Variants in HPS1 observed in about 807,000 individuals in gnomAD.
The protein encoded by HPS1 is HPS1 biogenesis of lysosomal organelles complex 3 subunit 1.
A neutral mutation model predicts 90.6 loss-of-function variants in HPS1; 59 were observed. That is an observed-to-expected ratio of 0.65 (90% CI 0.53 to 0.81). HPS1 has a LOEUF of 0.81. Ranked by LOEUF, HPS1 falls within the 30% of genes least tolerant of loss-of-function variation. The pLI is 0.00. For synonymous variants in HPS1, 388 were observed against 384.4 expected (o/e 1.01, Z -0.11); for missense variants, 849 against 896.7 (o/e 0.95, Z 0.68).
At chr10:98,415,119 C>A, downstream of HPS1, 1 of 1,613,288 alleles carries the variant, frequency 6.2e-7, no homozygotes, top group Non-Finnish European at 8.5e-7. Flanking sequence ...GCAGAGACCT[C>A]GGCCACTTGC....
chr10:98,435,210 C>G lies in HPS1; in HGVS notation c.398+62G>C. The G allele has an allele frequency of 6.2e-6, 10 of 1,605,822 alleles. No homozygotes were observed. Among genetic ancestry groups the G allele is most frequent in the Non-Finnish European group, 8.5e-6 (10 of 1,173,896 alleles). On this transcript the variant is annotated intron_variant, in intron 5 of 19. Coordinates refer to ENST00000361490, the MANE Select transcript of HPS1 (RefSeq NM_000195.5). This position sits in a 1 kb window ranked among gnomAD's most constrained non-coding sequence, Gnocchi z 4.3. ...GGCAGCTTCACAGGGGCTGGGCACA[C>G]GCTGCCTGGCCCAGCGAGGGTGCTC...
At chr10:98,422,610 G>T in intron 16 of HPS1, 97 bp from the exon 17 acceptor site, 1 of 1,210,562 alleles carries the variant, frequency 8.3e-7, no homozygotes, top group Non-Finnish European at 1.2e-6. Flanking sequence ...TGGCAGGAGG[G>T]CCAGGACTGC....
chr10:98,419,432 C>A (rs1002105239), intron 18 of HPS1, among the ~76,000 whole-genome samples: 3 of 152,032 alleles, frequency 2.0e-5, no homozygotes, highest in African/African-American at 7.2e-5. Context: ...GGAGTCCCAG[C>A]CACTGCACCC....
At chr10:98,441,265 T>C (rs968514430) in intron 3 of HPS1, among the ~76,000 whole-genome samples, 2 of 152,232 alleles carry the variant, frequency 1.3e-5, no homozygotes, top group African/African-American at 4.8e-5. Flanking sequence ...GTGGAAATTA[T>C]GTAAGTGAAA....
chr10:98,439,443 T>C (rs777050209), intron 3 of HPS1, among the ~76,000 whole-genome samples: 1 of 152,162 alleles, frequency 6.6e-6, no homozygotes, highest in African/African-American at 2.4e-5. Context: ...GACCTGGACG[T>C]GGATAGAGTC....
Position 98,420,115 on chromosome 10 carries a change from C to A in HPS1, c.1787G>T (p.Gly596Val), listed in dbSNP as rs139951191. The A allele has an allele frequency of 1.2e-6, 2 of 1,613,954 alleles. No homozygotes were observed. The highest frequency in any genetic ancestry group is 2.7e-5 in the African/African-American group (2 of 74,932). Residue 596 changes from glycine (G) to valine (V), a missense_variant, in exon 18 of 20, where the codon GGC becomes GTC. Gly to Val is a moderately radical substitution (Grantham distance 109). Transcript: ENST00000361490. ...IQLARRYLQK[G>V]YTTLLFQEGD... Reference sequence around the variant, plus strand: ...CTCCTGGAACAGCAGCGTGGTGTAGCCCTTCTGCAGGTATCTGCGCGCCAG... The same window carrying A: ...CTCCTGGAACAGCAGCGTGGTGTAGACCTTCTGCAGGTATCTGCGCGCCAG...
In HPS1 at chr10:98,422,415, G is replaced by C. The variant is rs1271147542; in HGVS notation, c.1697C>G (p.Ser566Trp). 2 of 1,613,556 alleles carry C rather than the reference G, an allele frequency of 1.2e-6. No individual in the cohort carries two copies. Among genetic ancestry groups the C allele is most frequent in the African/African-American group, 1.3e-5 (1 of 75,034 alleles). The stretch of plus-strand genomic sequence containing the variant: ...CAGCGGCCCCTTGCCCAACTCCGAC[G>C]AGGTCTTTTGACTGCAGTTGAGGGA... ...APSLNCSQKTSSELGKGPLAA... is the reference protein window; with the variant it reads ...APSLNCSQKTWSELGKGPLAA... Residue 566 changes from serine to tryptophan, a missense_variant, in exon 17 of 20, where the codon TCG (serine) becomes TGG (tryptophan). By Grantham distance (177) the Ser-to-Trp change is radical. Coordinates refer to ENST00000361490, the MANE Select transcript of HPS1 (RefSeq NM_000195.5).
chr10:98,441,661 T>A (rs1421134885), intron 3 of HPS1, among the ~76,000 whole-genome samples: 1 of 152,124 alleles, frequency 6.6e-6, no homozygotes, highest in Admixed American at 6.5e-5. Context: ...CAAAACTCAG[T>A]AAGAATAAGA....
chr10:98,418,040 C>T (rs148465898), intron 19 of HPS1, 135 bp downstream of exon 19: 8 of 692,814 alleles, frequency 1.2e-5, no homozygotes, highest in Admixed American at 2.3e-5. Context: ...CAGGGCCAGC[C>T]GGGAAGGTGT....
intron 3 of HPS1, chr10:98,442,921 G>T (rs2136325428): frequency 1.6e-6 from 1 of 626,540 alleles, no homozygotes; most frequent in South Asian, 1.8e-5. Flanking sequence ...GGGGTGTGGG[G>T]GTGGGGTCAC....
intron 14 of HPS1, 63 bp from the exon 15 acceptor site, chr10:98,423,950 G>A: frequency 6.3e-7 from 1 of 1,593,064 alleles, no homozygotes; most frequent in East Asian, 2.2e-5. Flanking sequence ...CGCCCTGTGT[G>A]GACCACCTTG....
Position 98,416,218 on chromosome 10 carries a change from C to T in HPS1, c.*1346G>A, listed in dbSNP as rs977716227. 2 of 152,234 alleles carry T rather than the reference C, an allele frequency of 1.3e-5. No individual in the cohort carries two copies. Among genetic ancestry groups the T allele is most frequent in the African/African-American group, 4.8e-5 (2 of 41,398 alleles). 9.4% of individuals were successfully genotyped at this position (152,234 alleles called of 1,614,324 possible). On this transcript the variant is annotated 3_prime_UTR_variant, in exon 20 of 20. Transcript: ENST00000361490. ...TAAGATCTGATTCAGGATGTTCACT[C>T]CTGTGTTATTTATTATATAGAAAGA...
In HPS1 at chr10:98,425,733, G is replaced by C. The variant is rs1845517986; in HGVS notation, c.1156-13C>G. 2.5e-6 allele frequency: 4 copies of C among 1,605,532 alleles called. No individual in the cohort carries two copies. The highest frequency in any genetic ancestry group is 3.4e-6 in the Non-Finnish European group (4 of 1,174,656). ...GCGCGCTGGGGCTCTGAGGGTAAGG[G>C]CCGAGAGGCGGGTGAACGGGGCTGC... On this transcript the variant is annotated splice_polypyrimidine_tract_variant and intron_variant, in intron 12 of 19. Transcript: ENST00000361490.
In HPS1 at chr10:98,416,766, A is replaced by C. The variant is rs1844169914; in HGVS notation, c.*798T>G. 1 of 152,302 alleles carries C rather than the reference A, an allele frequency of 6.6e-6. No individual in the cohort carries two copies. 9.4% of individuals were successfully genotyped at this position (152,302 alleles called of 1,614,324 possible). A position where few individuals can be genotyped will look rare whatever the true frequency, so the allele number is the denominator to read the frequency against. ...CTTGTCCCTGGGTCCATTCTGGGACAGGAACTTCTCGGTTGGAAGAGAGGG... is the reference window on the plus strand; with the variant it reads ...CTTGTCCCTGGGTCCATTCTGGGACCGGAACTTCTCGGTTGGAAGAGAGGG... On this transcript the variant is annotated 3_prime_UTR_variant, in exon 20 of 20. Transcript: ENST00000361490.
In HPS1 at chr10:98,425,473, G is replaced by A; in HGVS notation, c.1335+68C>T. ...GCCCATTGGCCCCTCAGCTGCTGTGGACCGGATGTACCCTGCTGCCAGCCC... is the reference window on the plus strand; with the variant it reads ...GCCCATTGGCCCCTCAGCTGCTGTGAACCGGATGTACCCTGCTGCCAGCCC... On this transcript the variant is annotated intron_variant, in intron 13 of 19. Coordinates refer to ENST00000361490, the MANE Select transcript of HPS1 (RefSeq NM_000195.5). The A allele has an allele frequency of 5.3e-6, 8 of 1,504,156 alleles. No individual in the cohort carries two copies. In the Admixed American group the frequency reaches 1.4e-4, roughly 25 times the overall value. 93.2% of individuals were successfully genotyped at this position (1,504,156 alleles called of 1,614,324 possible). A position where few individuals can be genotyped will look rare whatever the true frequency, so the allele number is the denominator to read the frequency against.
At chr10:98,424,846 G>C (rs568266096) in intron 13 of HPS1, among the ~76,000 whole-genome samples, 2 of 152,124 alleles carry the variant, frequency 1.3e-5, no homozygotes, top group Non-Finnish European at 2.9e-5. Flanking sequence ...GAGGCACTGC[G>C]GGATGTGGCA....
At chr10:98,431,027 G>A in intron 7 of HPS1, 104 bp downstream of exon 7, 1 of 1,178,596 alleles carries the variant, frequency 8.5e-7, no homozygotes, top group Non-Finnish European at 1.2e-6. Context: ...CTTCATGGAG[G>A]AGGTGATTCT....
At chr10:98,421,461 T>G (rs1048076606) in intron 17 of HPS1, among the ~76,000 whole-genome samples, 1 of 152,224 alleles carries the variant, frequency 6.6e-6, no homozygotes, top group Admixed American at 6.5e-5. Context: ...TGGACTATTA[T>G]GGAGCTGCTA....
chr10:98,429,458 C>T, intron 10 of HPS1, 115 bp downstream of exon 10: 5 of 1,584,666 alleles, frequency 3.2e-6, no homozygotes, highest in Admixed American at 3.6e-5. Flanking sequence ...AACACGGGTA[C>T]CTGCACTCAA....
Sources: gnomAD v4.1 joint callset for allele counts (sites outside exome capture counted in the v4.1 genomes callset) on GRCh38, gnomAD v4.1.1 for gene constraint, Gnocchi (gnomAD v3.1) non-coding constraint, MANE v1.5 for transcripts, NCBI Gene and HGNC (gene_info 2026-07-23, HGNC 2026-07-21) for gene names.